Variants in FHOD3 observed in about 807,000 individuals in gnomAD.
FHOD3 encodes FH1/FH2 domain-containing protein 3.
In FHOD3, 90 loss-of-function variants were observed where a neutral mutation model predicts 173.0. The observed-to-expected ratio is 0.52, with a 90% CI of 0.44 to 0.62. FHOD3 has a LOEUF of 0.62. FHOD3 is among the 20% of genes least tolerant of loss of function. FHOD3 has a pLI of 0.00. For missense variants in FHOD3, 1,945 were observed against 2,034.7 expected, an observed-to-expected ratio of 0.96 and a Z score of 0.85; for synonymous variants, 828 against 823.0, an observed-to-expected ratio of 1.01 and a Z score of -0.10.
chr18:36,493,307 A>G (rs980925989), intron 3 of FHOD3, among the ~76,000 whole-genome samples: 3 of 151,458 alleles, frequency 2.0e-5, no homozygotes, highest in Non-Finnish European at 4.4e-5. Context: ...AGTCCGACCA[A>G]GCAATTTTTT....
Position 36,769,306 on chromosome 18 carries a change from A to C in FHOD3, c.4666A>C (p.Asn1556His). ...SWTMGTDDSP[N>H]VTDDAADEIM... ...GACTATGGGAACTGATGACTCGCCC[A>C]ATGTCACAGATGATGCAGCTGATGA... is the stretch of plus-strand genomic sequence containing the variant. The change falls in exon 28 of 29, where the codon AAT becomes CAT. Residue 1556 changes from asparagine to histidine, a missense_variant. Transcript: ENST00000590592. 6.2e-7 allele frequency: 1 copy of C among 1,614,190 alleles called. No homozygotes were observed. Among genetic ancestry groups the C allele is most frequent in the Non-Finnish European group, 8.5e-7 (1 of 1,180,042 alleles).
At chr18:36,336,699 A>C (rs1270356329) in intron 1 of FHOD3, among the ~76,000 whole-genome samples, 1 of 120,006 alleles carries the variant, frequency 8.3e-6, no homozygotes, top group Admixed American at 8.4e-5. Flanking sequence ...AAAAAAAAAA[A>C]TTATCCAGAT....
At chr18:36,322,112 G>A (rs996345506) in intron 1 of FHOD3, among the ~76,000 whole-genome samples, 3 of 152,182 alleles carry the variant, frequency 2.0e-5, no homozygotes, top group African/African-American at 7.2e-5. Flanking sequence ...AGGCCACTGA[G>A]GTGGAGGGTG....
chr18:36,693,715 A>G (rs926362505), intron 17 of FHOD3, among the ~76,000 whole-genome samples: 2 of 152,218 alleles, frequency 1.3e-5, no homozygotes, highest in South Asian at 2.1e-4. Context: ...AAATACTGGA[A>G]TATTCATTTA....
rs193021261 is a variant in FHOD3, at chr18:36,754,324, C to T, written c.4233-795C>T. Reference sequence around the variant, plus strand: ...TGTCTATAAATAGTGGTATCATTTGCGTAATGTTGTTTGTTCCACAGAAAG... The same window carrying T: ...TGTCTATAAATAGTGGTATCATTTGTGTAATGTTGTTTGTTCCACAGAAAG... On this transcript the variant is annotated intron_variant, in intron 24 of 28. Coordinates refer to ENST00000590592, the MANE Select transcript of FHOD3 (RefSeq NM_001281740.3). Among the ~76,000 whole-genome samples, 477 of 152,168 alleles carry T rather than the reference C, an allele frequency of 3.1e-3. 2 individuals are homozygous for T. Among genetic ancestry groups the T allele is most frequent in the African/African-American group, 0.011 (448 of 41,536 alleles).
chr18:36,742,672 G>T, intron 21 of FHOD3, 65 bp from the exon 22 acceptor site: 1 of 1,545,276 alleles, frequency 6.5e-7, no homozygotes, highest in Non-Finnish European at 8.8e-7. Flanking sequence ...TATACAAAAA[G>T]TCAGAAGAAC....
At chr18:36,454,459 T>C (rs566564965) in intron 3 of FHOD3, among the ~76,000 whole-genome samples, 2 of 152,320 alleles carry the variant, frequency 1.3e-5, no homozygotes, top group East Asian at 3.9e-4. Context: ...GTTCACATTA[T>C]TAAGATGATG....
Position 36,641,521 on chromosome 18 carries a change from T to C in FHOD3, c.1197-7795T>C, listed in dbSNP as rs994064313. 2.0e-5 allele frequency among the ~76,000 whole-genome samples: 3 copies of C among 152,190 alleles called. No homozygotes were observed. In the East Asian group the frequency reaches 5.8e-4, roughly 29 times the overall value. ...GCTTCAACAGCATGGCAGAGTCTTT[T>C]TGGGTAGCTTGGGCCCCATGGGTTG... On this transcript the variant is annotated intron_variant, in intron 10 of 28. Transcript: ENST00000590592.
At chr18:36,587,937 A>C (rs532620717) in intron 6 of FHOD3, among the ~76,000 whole-genome samples, 1 of 152,194 alleles carries the variant, frequency 6.6e-6, no homozygotes, top group Admixed American at 6.5e-5. Context: ...CCTTCTGCAA[A>C]TTGCATTGTG....
At position 36,463,866 on chromosome 18, in the gene FHOD3, C is replaced by T. The variant is rs113241641; in HGVS notation, c.338-38066C>T. On this transcript the variant is annotated intron_variant, in intron 3 of 28. Transcript: ENST00000590592. ...TTCGTGTTTTTAAGCTTAGGAGACA[C>T]TAGAAGTTGGAGAAATTAAAATCTA... is the stretch of plus-strand genomic sequence containing the variant. 9.2e-3 allele frequency among the ~76,000 whole-genome samples: 1,403 copies of T among 152,270 alleles called. 10 individuals carry two copies. Among genetic ancestry groups the T allele is most frequent in the Admixed American group, 0.013 (192 of 15,294 alleles).
At position 36,387,030 on chromosome 18, in the gene FHOD3, T is replaced by C. The variant is rs77951032; in HGVS notation, c.337+14286T>C. On this transcript the variant is annotated intron_variant, in intron 3 of 28. Transcript: ENST00000590592. The stretch of plus-strand genomic sequence containing the variant: ...AGGCAGCCTTCCTTTGGAATATCTA[T>C]TTTTCTTTCTTAAACAAATGGCTTA... Among the ~76,000 whole-genome samples, 1,060 of 152,236 alleles carry C rather than the reference T, an allele frequency of 7.0e-3. 10 individuals carry two copies. Among genetic ancestry groups the C allele is most frequent in the African/African-American group, 0.024 (1,010 of 41,556 alleles).
At chr18:36,473,573 T>G (rs1177688891) in intron 3 of FHOD3, among the ~76,000 whole-genome samples, 1 of 152,212 alleles carries the variant, frequency 6.6e-6, no homozygotes, top group African/African-American at 2.4e-5. Context: ...AATTTCAAGT[T>G]GAGGGGAATT....
At chr18:36,763,549 TATATA>T (rs1331300149) in intron 27 of FHOD3, among the ~76,000 whole-genome samples, 31 of 140,348 alleles carry the variant, frequency 2.2e-4, no homozygotes, top group African/African-American at 8.0e-4. Context: ...ATACACGTTA[TATATA>T]ATATGTGTAT....
chr18:36,616,768 C>A (rs564133433), intron 9 of FHOD3, among the ~76,000 whole-genome samples: 1 of 152,308 alleles, frequency 6.6e-6, no homozygotes, highest in South Asian at 2.1e-4. Context: ...ACCACTTATT[C>A]TGTGAGCTAA....
chr18:36,601,761 A>G (rs1013308646), intron 7 of FHOD3, among the ~76,000 whole-genome samples: 1 of 152,264 alleles, frequency 6.6e-6, no homozygotes, highest in Non-Finnish European at 1.5e-5. Context: ...CCACCAAGCC[A>G]AGAGCAAGGC....
chr18:36,469,982 CG>C (rs1294896522), intron 3 of FHOD3, among the ~76,000 whole-genome samples: 1 of 152,114 alleles, frequency 6.6e-6, no homozygotes, highest in African/African-American at 2.4e-5. Context: ...TTTGGAAAAC[CG>C]GTTCCTGTTC....
intron 3 of FHOD3, among the ~76,000 whole-genome samples, chr18:36,430,170 A>G (rs1283139927): frequency 6.6e-6 from 1 of 152,192 alleles, no homozygotes; most frequent in Non-Finnish European, 1.5e-5. Context: ...AGGTTATTTC[A>G]TTGTGCATGA....
rs931211041 is a variant in FHOD3, at chr18:36,763,194, TTA to T, written c.4624+2417_4624+2418del. Reference sequence around the variant, plus strand: ...GTATTATATACGCTATATATGTGTATTATATACGTTATATATGTGTACTATAC... The same window carrying T: ...GTATTATATACGCTATATATGTGTATTATACGTTATATATGTGTACTATAC... On this transcript the variant is annotated intron_variant, in intron 27 of 28. Transcript: ENST00000590592. Among the ~76,000 whole-genome samples, 14 of 148,308 alleles carry T rather than the reference TTA, an allele frequency of 9.4e-5. 1 individual carries two copies. The East Asian group carries it at 1.4e-3, about 15-fold the overall frequency.
intron 3 of FHOD3, among the ~76,000 whole-genome samples, chr18:36,416,583 G>A (rs2064702416): frequency 6.6e-6 from 1 of 152,182 alleles, no homozygotes; most frequent in South Asian, 2.1e-4. Context: ...TTAAGGATAT[G>A]TAATTTTGAT....
Sources: allele counts gnomAD v4.1 joint callset (sites outside exome capture counted in the v4.1 genomes callset), GRCh38; gene constraint gnomAD v4.1.1; transcripts MANE v1.5; gene names NCBI Gene and HGNC (gene_info 2026-07-23, HGNC 2026-07-21).